TMEM131: variants seen among roughly 807,000 people sequenced by gnomAD.
TMEM131 encodes the protein transmembrane protein 131, also known as 2610524E03Rik.
TMEM131 carries 66 observed loss-of-function variants against 211.6 expected under a neutral mutation model. That is an observed-to-expected ratio of 0.31 (90% CI 0.26 to 0.38). TMEM131 has a LOEUF of 0.38. Ranked by LOEUF, TMEM131 falls within the 10% of genes least tolerant of loss-of-function variation. TMEM131 has a pLI of 1.00. For synonymous variants in TMEM131, 844 were observed against 841.3 expected (o/e 1.00, Z -0.06); for missense variants, 2,036 against 2,299.3 (o/e 0.89, Z 2.34).
intron 11 of TMEM131, among the ~76,000 whole-genome samples, chr2:97,829,166 G>C (rs983535426): frequency 6.6e-6 from 1 of 152,172 alleles, no homozygotes; most frequent in Non-Finnish European, 1.5e-5. Flanking sequence ...CCTATTTAGA[G>C]GGGGGATTGA....
At chr2:97,993,345 C>G (rs1680343082) in intron 1 of TMEM131, among the ~76,000 whole-genome samples, 1 of 152,158 alleles carries the variant, frequency 6.6e-6, no homozygotes, top group African/African-American at 2.4e-5. Flanking sequence ...CTCAACAGTA[C>G]CTTTTAGGAC....
chr2:97,970,317 T>A (rs1679242061), intron 1 of TMEM131, among the ~76,000 whole-genome samples: 1 of 152,190 alleles, frequency 6.6e-6, no homozygotes, highest in Non-Finnish European at 1.5e-5. Flanking sequence ...GCTCCATGCC[T>A]GGTTTCTTTC....
intron 1 of TMEM131, 117 bp from the exon 2 acceptor site, chr2:97,927,604 G>A: frequency 1.4e-6 from 1 of 728,608 alleles, no homozygotes; most frequent in Non-Finnish European, 2.0e-6. Context: ...CTGCTTAATG[G>A]TGATGGTTGA....
intron 1 of TMEM131, among the ~76,000 whole-genome samples, chr2:97,946,156 TAC>T (rs746789702): frequency 2.0e-5 from 3 of 151,846 alleles, no homozygotes; most frequent in Admixed American, 6.6e-5. Flanking sequence ...GGTATATCCA[TAC>T]AGTTATCTAT....
At chr2:97,843,151 A>G (rs1683278392) in intron 6 of TMEM131, among the ~76,000 whole-genome samples, 1 of 152,054 alleles carries the variant, frequency 6.6e-6, no homozygotes, top group Non-Finnish European at 1.5e-5. Context: ...GCACAGTGGT[A>G]AAGATTATGG....
chr2:97,811,959 AG>A lies in TMEM131; in HGVS notation c.1863+461del, dbSNP rs767023590. Among the ~76,000 whole-genome samples the A allele has an allele frequency of 1.5e-3, 229 of 152,354 alleles. 1 individual carries two copies. The highest frequency in any genetic ancestry group is 3.4e-3 in the Middle Eastern group (1 of 294). On this transcript the variant is annotated intron_variant, in intron 17 of 40. Coordinates refer to ENST00000186436, the MANE Select transcript of TMEM131 (RefSeq NM_015348.2). ...ACCAACTGTAACATGTTTATTAGAC[AG>A]GTAAAAATATGTGGGCAGACTCACA...
chr2:97,824,600 A>G (rs1682286510), intron 11 of TMEM131, among the ~76,000 whole-genome samples: 1 of 152,208 alleles, frequency 6.6e-6, no homozygotes, highest in Admixed American at 6.5e-5. Flanking sequence ...ACCTACATGA[A>G]TATGGGGAAC....
chr2:97,927,358 A>T, intron 2 of TMEM131, 68 bp downstream of exon 2: 1 of 1,239,372 alleles, frequency 8.1e-7, no homozygotes, highest in Non-Finnish European at 1.1e-6. Flanking sequence ...TTACATTTTT[A>T]AAAGAAAAAT....
intron 35 of TMEM131, 54 bp downstream of exon 35, chr2:97,766,060 T>C (rs1003525522): frequency 3.1e-6 from 5 of 1,598,952 alleles, no homozygotes; most frequent in Admixed American, 1.7e-5. Context: ...ATGCCCAGAG[T>C]GGGGTGGATT....
At chr2:97,851,048 A>G (rs771872260) in intron 5 of TMEM131, among the ~76,000 whole-genome samples, 2 of 151,408 alleles carry the variant, frequency 1.3e-5, no homozygotes, top group Non-Finnish European at 2.9e-5. Context: ...AGTTTCTAGT[A>G]ATACCACTAA....
Position 97,814,405 on chromosome 2 carries a change from C to G in TMEM131, c.1293-17G>C. On this transcript the variant is annotated splice_polypyrimidine_tract_variant and intron_variant, in intron 13 of 40. Coordinates refer to ENST00000186436, the MANE Select transcript of TMEM131 (RefSeq NM_015348.2). ...CCCAAATAACTATTAAAAAAAACAA[C>G]AAGAACAAAATAAATCATTTTTATT... The G allele has an allele frequency of 6.4e-7, 1 of 1,566,600 alleles. No individual in the cohort carries two copies. The highest frequency in any genetic ancestry group is 8.6e-7 in the Non-Finnish European group (1 of 1,156,928).
At chr2:97,766,710 A>G (rs1573325486) in intron 33 of TMEM131, 108 bp from the exon 34 acceptor site, 2 of 1,363,498 alleles carry the variant, frequency 1.5e-6, no homozygotes, top group East Asian at 4.8e-5. Context: ...CAGGAAGCTA[A>G]TGTGGCTTCC....
intron 5 of TMEM131, among the ~76,000 whole-genome samples, chr2:97,853,682 A>C (rs1441001840): frequency 1.3e-5 from 2 of 152,068 alleles, no homozygotes; most frequent in African/African-American, 2.4e-5. Flanking sequence ...GGCTGGAAGA[A>C]GTTAATCCCA....
chr2:97,795,713 TTTATTGCATAAACTTTATAACAGAACAAG>T (rs1680728299), intron 28 of TMEM131, among the ~76,000 whole-genome samples: 2 of 152,214 alleles, frequency 1.3e-5, no homozygotes, highest in Admixed American at 6.5e-5. Flanking sequence ...GAAGTTGCAT[TTTATTGCATAAACTTTATAACAGAACAAG>T]TTATCAATTA....
In TMEM131 at chr2:97,805,178, G is replaced by C. The variant is rs186533746; in HGVS notation, c.2312C>G (p.Ala771Gly). The C allele has an allele frequency of 9.3e-6, 15 of 1,613,596 alleles. No individual in the cohort carries two copies. Among genetic ancestry groups the C allele is most frequent in the Middle Eastern group, 1.7e-4 (1 of 6,060 alleles). ...AGCATCCCACATATCTTCCTGCATG[G>C]CTACACCAGGCTGCACTTTGGGTTC... ...KSEPKVQPGV[A>G]MQEDMWDADW... The change falls in exon 22 of 41, where the codon GCC becomes GGC. Residue 771 changes from alanine (A) to glycine (G), a missense_variant. Ala to Gly is a moderately conservative substitution (Grantham distance 60, BLOSUM62 0). Transcript: ENST00000186436.
At chr2:97,835,245 T>C (rs1284153741) in intron 8 of TMEM131, among the ~76,000 whole-genome samples, 1 of 152,030 alleles carries the variant, frequency 6.6e-6, no homozygotes, top group African/African-American at 2.4e-5. Context: ...AATCAGTTAT[T>C]TTTTAATATG....
chr2:97,979,407 G>A (rs1679688922), intron 1 of TMEM131, among the ~76,000 whole-genome samples: 1 of 152,192 alleles, frequency 6.6e-6, no homozygotes, highest in Non-Finnish European at 1.5e-5. Flanking sequence ...TCCAAAAGAA[G>A]GCTGTTTCAT....
chr2:97,926,122 A>ATTTC lies in TMEM131; in HGVS notation c.249+1303_249+1304insGAAA, dbSNP rs1676983243. Among the ~76,000 whole-genome samples, 4 of 152,184 alleles carry ATTTC rather than the reference A, an allele frequency of 2.6e-5. No individual in the cohort carries two copies. In the South Asian group the frequency reaches 8.3e-4, roughly 32 times the overall value. ...TGCGAGACCCTGTCTCAAAAAAAAA[A>ATTTC]AAAAAAATTACTATGGCCAAGCCAC... On this transcript the variant is annotated intron_variant, in intron 2 of 40. Coordinates refer to ENST00000186436, the MANE Select transcript of TMEM131 (RefSeq NM_015348.2).
intron 3 of TMEM131, among the ~76,000 whole-genome samples, chr2:97,892,274 C>G: frequency 6.6e-6 from 1 of 152,054 alleles, no homozygotes; most frequent in Non-Finnish European, 1.5e-5. Context: ...ATATTTTTAC[C>G]CTGGTCCTGG....
Sources: allele counts gnomAD v4.1 joint callset (sites outside exome capture counted in the v4.1 genomes callset), GRCh38; gene constraint gnomAD v4.1.1; transcripts MANE v1.5; gene names NCBI Gene and HGNC (gene_info 2026-07-23, HGNC 2026-07-21).